Variants in RPS6KA5 observed in about 807,000 individuals in gnomAD.
RPS6KA5 encodes ribosomal protein S6 kinase A5.
In RPS6KA5, 27 loss-of-function variants were observed where a neutral mutation model predicts 85.5. That is an observed-to-expected ratio of 0.32 (90% CI 0.23 to 0.44). The LOEUF (loss-of-function observed/expected upper bound fraction) is 0.44. Among genes scored for constraint, RPS6KA5 ranks in the 20% least tolerant of loss-of-function variants. The pLI, the probability that RPS6KA5 is intolerant of heterozygous loss-of-function variation, is 1.00. For missense variants in RPS6KA5, 811 were observed against 980.9 expected, an observed-to-expected ratio of 0.83 and a Z score of 2.31; for synonymous variants, 334 against 348.2, an observed-to-expected ratio of 0.96 and a Z score of 0.46.
chr14:90,951,310 C>T (rs759378400), intron 3 of RPS6KA5, among the ~76,000 whole-genome samples: 4 of 151,516 alleles, frequency 2.6e-5, no homozygotes, highest in Admixed American at 6.6e-5. Flanking sequence ...GGTGAAACCC[C>T]GTCTCTACTA....
At chr14:90,897,187 C>CT (rs1234573690) in intron 12 of RPS6KA5, among the ~76,000 whole-genome samples, 1 of 152,168 alleles carries the variant, frequency 6.6e-6, no homozygotes, top group Non-Finnish European at 1.5e-5. Flanking sequence ...GAATCTAAGG[C>CT]TGTCGCTGAT....
rs781712449 is a variant in RPS6KA5 at position 90,978,424 on chromosome 14, GGCCTTTTGAACGATTGTT to G, written c.258_275del (p.Thr87_Ala92del). The G allele has an allele frequency of 4.3e-6, 7 of 1,613,804 alleles. No individual in the cohort carries two copies. Among genetic ancestry groups the G allele is most frequent in the Middle Eastern group, 1.7e-4 (1 of 6,060 alleles). On this transcript the variant is annotated inframe_deletion, in exon 3 of 17. Transcript: ENST00000614987. Reference sequence around the variant, plus strand: ...CTGTCCTTGTATGCTCTGTGGTTTTGGCCTTTTGAACGATTGTTGCCTTTTTCAAAACTTTCATGGCAT... The same window carrying G: ...CTGTCCTTGTATGCTCTGTGGTTTTGGCCTTTTTCAAAACTTTCATGGCAT...
rs59419457 is a variant in RPS6KA5, at chr14:91,051,485, CTTTTATTT to C, written c.103+8839_103+8846del. On this transcript the variant is annotated intron_variant, in intron 1 of 16. Coordinates refer to ENST00000614987, the MANE Select transcript of RPS6KA5 (RefSeq NM_004755.4). ...TCTGGACTTTTTATCATGAAACATC[CTTTTATTT>C]TTTTATTTTTTTGAGACAGAGTTTT... is the stretch of plus-strand genomic sequence containing the variant. 4.1e-3 allele frequency among the ~76,000 whole-genome samples: 618 copies of C among 151,940 alleles called. 8 individuals carry two copies. Among genetic ancestry groups the C allele is most frequent in the African/African-American group, 0.014 (601 of 41,452 alleles).
In RPS6KA5 at chr14:90,863,347, A is replaced by AATATATAT. The variant is rs201409097; in HGVS notation, c.*8719_*8726dup. The stretch of plus-strand genomic sequence containing the variant: ...AAAAAAAAAGAAAAGAAAAGAAAAA[A>AATATATAT]ATATATATATATAGAATAGAAAAAT... On this transcript the variant is annotated 3_prime_UTR_variant, in exon 17 of 17. Coordinates refer to ENST00000614987, the MANE Select transcript of RPS6KA5 (RefSeq NM_004755.4). 3 of 147,262 alleles carry AATATATAT rather than the reference A, an allele frequency of 2.0e-5. No homozygotes were observed. The highest frequency in any genetic ancestry group is 1.4e-4 in the Admixed American group (2 of 14,750). 9.1% of individuals were successfully genotyped at this position (147,262 alleles called of 1,614,324 possible). A position where few individuals can be genotyped will look rare whatever the true frequency, so the allele number is the denominator to read the frequency against.
chr14:90,950,339 T>C (rs757783783), intron 3 of RPS6KA5, among the ~76,000 whole-genome samples: 6 of 152,244 alleles, frequency 3.9e-5, no homozygotes, highest in Non-Finnish European at 7.3e-5. Flanking sequence ...TCCTTAGGAC[T>C]TTCTATTTAT....
chr14:90,901,806 A>T (rs894131555), intron 9 of RPS6KA5, among the ~76,000 whole-genome samples: 6 of 151,102 alleles, frequency 4.0e-5, no homozygotes, highest in African/African-American at 1.5e-4. Flanking sequence ...CTAAATATAA[A>T]ATCTAAATCT....
At chr14:91,025,816 A>C (rs2041969165) in intron 1 of RPS6KA5, among the ~76,000 whole-genome samples, 1 of 151,868 alleles carries the variant, frequency 6.6e-6, no homozygotes, top group Non-Finnish European at 1.5e-5. Flanking sequence ...TCTCTTAAAA[A>C]AAAAAAAAAA....
At chr14:90,981,614 A>T (rs1431817622) in intron 2 of RPS6KA5, among the ~76,000 whole-genome samples, 1 of 152,252 alleles carries the variant, frequency 6.6e-6, no homozygotes, top group Non-Finnish European at 1.5e-5. Flanking sequence ...CAATAATATG[A>T]ATTAAAGACC....
In RPS6KA5 at chr14:90,850,082, T is replaced by G. The variant is rs1470168171; in HGVS notation, c.*21992A>C. 2 of 152,228 alleles carry G rather than the reference T, an allele frequency of 1.3e-5. No individual in the cohort carries two copies. The highest frequency in any genetic ancestry group is 3.9e-4 in the East Asian group (2 of 5,192). The allele number at this position is 152,228 out of a possible 1,614,324, so 9.4% of individuals were successfully genotyped here. On this transcript the variant is annotated 3_prime_UTR_variant, in exon 17 of 17. Transcript: ENST00000614987. ...CCTTAGAAGGAAAGTTTCAGGACAC[T>G]CTGGCACTTTTTTTCTAGTCTGGGA... is the stretch of plus-strand genomic sequence containing the variant.
chr14:91,001,833 C>G lies in RPS6KA5; in HGVS notation c.104-674G>C, dbSNP rs541864828. 7.2e-5 allele frequency among the ~76,000 whole-genome samples: 11 copies of G among 152,264 alleles called. No individual in the cohort carries two copies. The South Asian group carries it at 2.3e-3, about 32-fold the overall frequency. On this transcript the variant is annotated intron_variant, in intron 1 of 16. Transcript: ENST00000614987. ...TTTCCATAACATATTCCATTGAATT[C>G]TAGTCCTATCCTATAATAGGTGTTC...
intron 1 of RPS6KA5, among the ~76,000 whole-genome samples, chr14:91,026,933 C>G (rs773659647): frequency 1.3e-5 from 2 of 152,130 alleles, no homozygotes; most frequent in Non-Finnish European, 2.9e-5. Flanking sequence ...CTTTGAGAAG[C>G]GTCTGTTCAT....
At chr14:91,022,127 T>C (rs141246906) in intron 1 of RPS6KA5, among the ~76,000 whole-genome samples, 5 of 152,382 alleles carry the variant, frequency 3.3e-5, no homozygotes, top group Middle Eastern at 3.4e-3. Context: ...TTTCATAATA[T>C]TATAAGGAAT....
intron 14 of RPS6KA5, among the ~76,000 whole-genome samples, chr14:90,877,352 TA>T (rs939132984): frequency 2.6e-5 from 4 of 152,192 alleles, no homozygotes; most frequent in Non-Finnish European, 5.9e-5. Flanking sequence ...ATCCTTGATG[TA>T]GCTTGAAGGC....
intron 3 of RPS6KA5, among the ~76,000 whole-genome samples, chr14:90,957,597 C>T (rs1448097684): frequency 2.0e-5 from 3 of 152,036 alleles, no homozygotes; most frequent in Non-Finnish European, 2.9e-5. Flanking sequence ...GCTGGCTGGT[C>T]GCTATTTTGT....
chr14:90,875,214 T>G lies in RPS6KA5; in HGVS notation c.1983A>C (p.Lys661Asn), dbSNP rs1202896948. 1 of 1,613,056 alleles carries G rather than the reference T, an allele frequency of 6.2e-7. No homozygotes were observed. The highest frequency in any genetic ancestry group is 1.7e-5 in the Admixed American group (1 of 59,778). The change falls in exon 15 of 17, where the codon AAA becomes AAC. Residue 661 changes from lysine to asparagine, a missense_variant. By Grantham distance (94) the Lys-to-Asn change is moderately conservative. Transcript: ENST00000614987. ...TTAGATTCTTACCTTGGATCAAATC[T>G]TTAGCCTCTTGGGATACATTCTTCC... ...EAWKNVSQEAKDLIQGLLTVD... is the reference protein window; with the variant it reads ...EAWKNVSQEANDLIQGLLTVD...
chr14:91,020,533 ACTGTGTGTGT>A (rs1283851840), intron 1 of RPS6KA5, among the ~76,000 whole-genome samples: 17 of 77,564 alleles, frequency 2.2e-4, no homozygotes, highest in African/African-American at 7.2e-4. Flanking sequence ...CTAAGGAATG[ACTGTGTGTGT>A]GTGTGTGTGT....
intron 14 of RPS6KA5, among the ~76,000 whole-genome samples, chr14:90,886,430 C>G (rs777862085): frequency 6.6e-6 from 1 of 152,196 alleles, no homozygotes; most frequent in Non-Finnish European, 1.5e-5. Context: ...GGGATTCACA[C>G]GCTGAAGCCC....
intron 12 of RPS6KA5, among the ~76,000 whole-genome samples, chr14:90,898,924 C>T (rs983597209): frequency 6.6e-6 from 1 of 152,196 alleles, no homozygotes. Context: ...TCCAGGCTCT[C>T]TCAGTTTTAC....
chr14:90,874,780 T>C lies in RPS6KA5; in HGVS notation c.1996+421A>G, dbSNP rs1308433948. The stretch of plus-strand genomic sequence containing the variant: ...GAAGGGACCGGACTGCTAGGAGCGC[T>C]GCTGAATGTGTAGAACTCTGTGACT... On this transcript the variant is annotated intron_variant, in intron 15 of 16. Transcript: ENST00000614987. 2.6e-5 allele frequency among the ~76,000 whole-genome samples: 4 copies of C among 152,146 alleles called. No individual in the cohort carries two copies. In the East Asian group the frequency reaches 7.7e-4, roughly 29 times the overall value.
Sources: gnomAD v4.1 joint callset for allele counts (sites outside exome capture counted in the v4.1 genomes callset) on GRCh38, gnomAD v4.1.1 for gene constraint, MANE v1.5 for transcripts, NCBI Gene and HGNC (gene_info 2026-07-23, HGNC 2026-07-21) for gene names.